The following CCDC124 variants were observed in gnomAD, a reference collection of about 807,000 sequenced individuals.
CCDC124 encodes coiled-coil domain containing 124, also known as coiled-coil domain-containing protein 124.
In CCDC124, 9 loss-of-function variants were observed where a neutral mutation model predicts 19.8. The observed-to-expected ratio is 0.45, with a 90% CI of 0.27 to 0.79. The LOEUF (loss-of-function observed/expected upper bound fraction) is 0.79, where lower values mean the gene tolerates loss of function less well. Among genes scored for constraint, CCDC124 ranks in the 30% least tolerant of loss-of-function variants. The pLI is 0.14. For missense variants in CCDC124, 285 were observed against 319.0 expected, an observed-to-expected ratio of 0.89 and a Z score of 0.81; for synonymous variants, 126 against 131.3, an observed-to-expected ratio of 0.96 and a Z score of 0.27.
At chr19:17,940,707 ACCATT>A (rs2031159234) in intron 2 of CCDC124, among the ~76,000 whole-genome samples, 1 of 148,106 alleles carries the variant, frequency 6.8e-6, no homozygotes. Flanking sequence ...CAGAGGTTGC[ACCATT>A]GTACTCCAGC....
chr19:17,943,142 C>T (rs1335061817), intron 3 of CCDC124, 119 bp from the exon 4 acceptor site: 7 of 877,688 alleles, frequency 8.0e-6, no homozygotes, highest in African/African-American at 3.3e-5. Context: ...TCCATCCCCC[C>T]TCATCTCTCC....
In CCDC124 at chr19:17,943,241, T is replaced by TCGGGGGGGGGGG; in HGVS notation, c.350-19_350-18insGGGGGGGGGGGC. Reference sequence around the variant, plus strand: ...CTTTGCTTATCTCTCTCTGTCTCTGTCACCCACCCACCCGCCCAGCCGAGA... The same window carrying TCGGGGGGGGGGG: ...CTTTGCTTATCTCTCTCTGTCTCTGTCGGGGGGGGGGGCACCCACCCACCCGCCCAGCCGAGA... On this transcript the variant is annotated intron_variant, in intron 3 of 4. Coordinates refer to ENST00000445755, the MANE Select transcript of CCDC124 (RefSeq NM_001136203.2). 1.4e-6 allele frequency: 1 copy of TCGGGGGGGGGGG among 736,678 alleles called. No homozygotes were observed. Among genetic ancestry groups the TCGGGGGGGGGGG allele is most frequent in the Non-Finnish European group, 2.4e-6 (1 of 414,970 alleles). 45.6% of individuals were successfully genotyped at this position (736,678 alleles called of 1,614,324 possible). A position where few individuals can be genotyped will look rare whatever the true frequency, so the allele number is the denominator to read the frequency against.
rs1435078668 is a variant in CCDC124, at chr19:17,943,717, C to T, written c.*2C>T. On this transcript the variant is annotated 3_prime_UTR_variant, in exon 5 of 5. Coordinates refer to ENST00000445755, the MANE Select transcript of CCDC124 (RefSeq NM_001136203.2). ...GTGCCCTTCAATGCCCCCAAGTGAG[C>T]CCAGAACTTGGGGAGCCAGTTCACC... 2 of 1,611,666 alleles carry T rather than the reference C, an allele frequency of 1.2e-6. No homozygotes were observed. Among genetic ancestry groups the T allele is most frequent in the Admixed American group, 1.7e-5 (1 of 59,864 alleles).
chr19:17,939,544 T>C (rs1365981819), intron 2 of CCDC124, among the ~76,000 whole-genome samples: 1 of 152,042 alleles, frequency 6.6e-6, no homozygotes, highest in Non-Finnish European at 1.5e-5. Flanking sequence ...ATGAGGAAAT[T>C]GAGGCAGAGA....
At position 17,936,566 on chromosome 19, in the gene CCDC124, A is replaced by G; in HGVS notation, c.146A>G (p.Lys49Arg). Residue 49 changes from lysine to arginine, a missense_variant, in exon 2 of 5, where the codon AAG (lysine) becomes AGG (arginine). Physicochemically the swap from Lys to Arg is conservative, Grantham distance 26. Coordinates refer to ENST00000445755, the MANE Select transcript of CCDC124 (RefSeq NM_001136203.2). The part of the protein sequence containing the change: ...WKDDDKHVMR[K>R]EQRKEEKEKR... ...GACGACGACAAACACGTCATGAGGA[A>G]GGAGCAGCGCAAGGTGCGTGCACTC... 6.2e-7 allele frequency: 1 copy of G among 1,613,028 alleles called. No homozygotes were observed. The highest frequency in any genetic ancestry group is 8.5e-7 in the Non-Finnish European group (1 of 1,179,622).
In CCDC124 at chr19:17,943,832, C is replaced by A; in HGVS notation, c.*117C>A. ...CGTTCCGGGGGCCAAGGCGCCGGGC[C>A]CCGGGGCCATGCTCTTATCACCAGC... is the stretch of plus-strand genomic sequence containing the variant. On this transcript the variant is annotated 3_prime_UTR_variant, in exon 5 of 5. Coordinates refer to ENST00000445755, the MANE Select transcript of CCDC124 (RefSeq NM_001136203.2). 9.6e-7 allele frequency: 1 copy of A among 1,039,300 alleles called. No individual in the cohort carries two copies. The highest frequency in any genetic ancestry group is 1.4e-6 in the Non-Finnish European group (1 of 707,824). The allele number at this position is 1,039,300 out of a possible 1,614,324, so 64.4% of individuals were successfully genotyped here. A position where few individuals can be genotyped will look rare whatever the true frequency, so the allele number is the denominator to read the frequency against.
In CCDC124 at chr19:17,943,504, C is replaced by A. The variant is rs201845785; in HGVS notation, c.465-4C>A. The A allele has an allele frequency of 6.8e-6, 11 of 1,609,692 alleles. No individual in the cohort carries two copies. The highest frequency in any genetic ancestry group is 6.7e-5 in the African/African-American group (5 of 74,858). On this transcript the variant is annotated splice_region_variant and splice_polypyrimidine_tract_variant and intron_variant, in intron 4 of 4. Transcript: ENST00000445755. ...GGCCCCCTGACGCTCATGTCCACCC[C>A]CAGCGTGGCGGAGGAGGCGGCCGAC...
At chr19:17,936,830 A>G in intron 2 of CCDC124, 1 of 389,438 alleles carries the variant, frequency 2.6e-6, no homozygotes, top group South Asian at 4.1e-5. Flanking sequence ...AAAATACAAA[A>G]ATTAACTGCG....
chr19:17,934,411 A>C (rs1032704698), intron 1 of CCDC124, among the ~76,000 whole-genome samples: 2 of 151,776 alleles, frequency 1.3e-5, no homozygotes, highest in African/African-American at 4.8e-5. Context: ...CCCAACGTGG[A>C]AACAGCCCAA....
chr19:17,941,166 T>A (rs2031171469), intron 2 of CCDC124, among the ~76,000 whole-genome samples: 1 of 152,110 alleles, frequency 6.6e-6, no homozygotes, highest in Admixed American at 6.6e-5. Flanking sequence ...TGAGTTTCCC[T>A]CATACCCCTC....
At chr19:17,937,403 G>A (rs1568438190) in intron 2 of CCDC124, among the ~76,000 whole-genome samples, 2 of 152,214 alleles carry the variant, frequency 1.3e-5, no homozygotes, top group Admixed American at 1.3e-4. Flanking sequence ...CAGTGAGGCT[G>A]TCATTGCTCT....
At position 17,943,853 on chromosome 19, in the gene CCDC124, C is replaced by CCAG. The variant is rs2031250197; in HGVS notation, c.*140_*142dup. On this transcript the variant is annotated 3_prime_UTR_variant, in exon 5 of 5. Coordinates refer to ENST00000445755, the MANE Select transcript of CCDC124 (RefSeq NM_001136203.2). ...GGGCCCCGGGGCCATGCTCTTATCA[C>CCAG]CAGCCACCCGTCCTCCCGCCAGAGG... 7.5e-6 allele frequency: 6 copies of CCAG among 797,696 alleles called. No individual in the cohort carries two copies. In the South Asian group the frequency reaches 8.9e-5, roughly 12 times the overall value. 49.4% of individuals were successfully genotyped at this position (797,696 alleles called of 1,614,324 possible).
chr19:17,935,451 C>T (rs151019956), intron 1 of CCDC124, among the ~76,000 whole-genome samples: 4,749 of 151,300 alleles, frequency 0.031, 270 homozygotes, highest in African/African-American at 0.11. Flanking sequence ...GATGGAGTCT[C>T]GCTCTGTCGC....
chr19:17,933,543 C>CA (rs1880963217), intron 1 of CCDC124, among the ~76,000 whole-genome samples: 1 of 152,174 alleles, frequency 6.6e-6, no homozygotes, highest in Admixed American at 6.5e-5. Context: ...CAGCTCCTGC[C>CA]ATCTGGGGAG....
intron 2 of CCDC124, among the ~76,000 whole-genome samples, chr19:17,937,894 C>A (rs531342937): frequency 6.6e-6 from 1 of 152,164 alleles, no homozygotes; most frequent in East Asian, 1.9e-4. Flanking sequence ...CCACCATGCC[C>A]AGCTAATTTT....
intron 1 of CCDC124, among the ~76,000 whole-genome samples, chr19:17,934,549 G>A (rs1485547535): frequency 6.6e-6 from 1 of 151,756 alleles, no homozygotes; most frequent in East Asian, 1.9e-4. Flanking sequence ...ACTTTGGAAG[G>A]CCGAGGCGGG....
At chr19:17,941,339 C>T (rs1407948597) in intron 2 of CCDC124, among the ~76,000 whole-genome samples, 14 of 151,958 alleles carry the variant, frequency 9.2e-5, no homozygotes, top group South Asian at 6.2e-4. Context: ...GGTGAAACCC[C>T]GTCTCTACTA....
chr19:17,937,359 G>T lies in CCDC124; in HGVS notation c.159+780G>T, dbSNP rs931000209. Among the ~76,000 whole-genome samples, 5 of 152,254 alleles carry T rather than the reference G, an allele frequency of 3.3e-5. No homozygotes were observed. In the East Asian group the frequency reaches 7.7e-4, roughly 23 times the overall value. On this transcript the variant is annotated intron_variant, in intron 2 of 4. Coordinates refer to ENST00000445755, the MANE Select transcript of CCDC124 (RefSeq NM_001136203.2). ...GGCAGAGGAAATGGTGTGTGGAAAG[G>T]CCCTGGGGTGGCACAGTCTTGCTTG...
chr19:17,936,022 A>C (rs1003799979), intron 1 of CCDC124, among the ~76,000 whole-genome samples: 1 of 152,176 alleles, frequency 6.6e-6, no homozygotes, highest in Admixed American at 6.6e-5. Context: ...CTCCTGCCTC[A>C]GCCTCCTGAC....
Sources: allele counts gnomAD v4.1 joint callset (sites outside exome capture counted in the v4.1 genomes callset), GRCh38; gene constraint gnomAD v4.1.1; transcripts MANE v1.5; gene names NCBI Gene and HGNC (gene_info 2026-07-23, HGNC 2026-07-21).